The following TTC17 variants were observed in gnomAD, a reference collection of about 807,000 sequenced individuals.
The protein encoded by TTC17 is tetratricopeptide repeat protein 17.
In TTC17, 58 loss-of-function variants were observed where a neutral mutation model predicts 143.8. The ratio of observed to expected loss-of-function variants is 0.40; its 90% CI spans 0.33 to 0.50. TTC17 has a LOEUF of 0.50. TTC17 is among the 20% of genes least tolerant of loss of function. The pLI, the probability that TTC17 is intolerant of heterozygous loss-of-function variation, is 0.49. For missense variants in TTC17, 1,273 were observed against 1,392.5 expected (o/e 0.91, Z 1.37); for synonymous variants, 501 against 497.8 (o/e 1.01, Z -0.09).
chr11:43,384,110 A>C (rs1014341286), intron 2 of TTC17, among the ~76,000 whole-genome samples: 1 of 150,870 alleles, frequency 6.6e-6, no homozygotes, highest in African/African-American at 2.4e-5. Context: ...GTACCACCGC[A>C]CTCCAGCATG....
chr11:43,442,571 T>G (rs1322277004), intron 16 of TTC17, among the ~76,000 whole-genome samples: 6 of 152,188 alleles, frequency 3.9e-5, no homozygotes, highest in Non-Finnish European at 5.9e-5. Flanking sequence ...ATTAAGAAAC[T>G]CGGGCTAATT....
intron 21 of TTC17, among the ~76,000 whole-genome samples, chr11:43,458,291 C>G (rs986131812): frequency 2.0e-5 from 3 of 152,106 alleles, no homozygotes; most frequent in Non-Finnish European, 4.4e-5. Context: ...TACATGGTCT[C>G]TTAAGTACCA....
At chr11:43,398,357 T>G (rs2134558107) in intron 8 of TTC17, among the ~76,000 whole-genome samples, 1 of 152,354 alleles carries the variant, frequency 6.6e-6, no homozygotes, top group Admixed American at 6.5e-5. Context: ...AGCTGTCACT[T>G]AAATGTTTAC....
At chr11:43,397,537 C>CTTT (rs376723044) in intron 7 of TTC17, 46 bp downstream of exon 7, 1,173 of 1,214,126 alleles carry the variant, frequency 9.7e-4, no homozygotes, top group Admixed American at 1.5e-3. Flanking sequence ...TTGCCACTTT[C>CTTT]TTTTTTTTTT....
Position 43,365,545 on chromosome 11 carries a change from G to A in TTC17, c.159+6432G>A, listed in dbSNP as rs1030200407. On this transcript the variant is annotated intron_variant, in intron 1 of 23. Coordinates refer to ENST00000039989, the MANE Select transcript of TTC17 (RefSeq NM_018259.6). The stretch of plus-strand genomic sequence containing the variant: ...GGCCTCCCAAAGTGCTGGGATTACA[G>A]GCATGAGCCGCCATGCCTGGCCAGC... 2.6e-5 allele frequency among the ~76,000 whole-genome samples: 4 copies of A among 152,296 alleles called. No individual in the cohort carries two copies. The South Asian group carries it at 6.2e-4, about 24-fold the overall frequency.
In TTC17 at chr11:43,411,093, A is replaced by G. The variant is rs547754757; in HGVS notation, c.2065-3497A>G. 6.0e-4 allele frequency among the ~76,000 whole-genome samples: 92 copies of G among 152,308 alleles called. 1 individual carries two copies. Among genetic ancestry groups the G allele is most frequent in the Middle Eastern group, 3.4e-3 (1 of 294 alleles). Reference sequence around the variant, plus strand: ...TCAAATGTTGTTATTTGTTGGCTCAAAATCCCTGTAGTGGCTCTCCATAGA... The same window carrying G: ...TCAAATGTTGTTATTTGTTGGCTCAGAATCCCTGTAGTGGCTCTCCATAGA... On this transcript the variant is annotated intron_variant, in intron 15 of 23. Coordinates refer to ENST00000039989, the MANE Select transcript of TTC17 (RefSeq NM_018259.6).
chr11:43,426,695 A>G (rs949076743), intron 16 of TTC17, among the ~76,000 whole-genome samples: 1 of 152,160 alleles, frequency 6.6e-6, no homozygotes, highest in African/African-American at 2.4e-5. Context: ...ATGAGGTATT[A>G]CTAGACTCAA....
At chr11:43,394,907 A>G (rs1857521839) in intron 5 of TTC17, among the ~76,000 whole-genome samples, 1 of 152,168 alleles carries the variant, frequency 6.6e-6, no homozygotes, top group Non-Finnish European at 1.5e-5. Context: ...TGGTGTCCTA[A>G]GAGTCAATGG....
intron 21 of TTC17, among the ~76,000 whole-genome samples, chr11:43,485,914 A>G (rs1948372521): frequency 7.3e-6 from 1 of 137,128 alleles, no homozygotes; most frequent in Non-Finnish European, 1.5e-5. Context: ...GAACATATGC[A>G]TATCCCGTGG....
rs2134521291 is a variant in TTC17 at position 43,389,727 on chromosome 11, A to G, written c.325A>G (p.Lys109Glu). 1 of 1,614,110 alleles carries G rather than the reference A, an allele frequency of 6.2e-7. No individual in the cohort carries two copies. The highest frequency in any genetic ancestry group is 2.2e-5 in the East Asian group (1 of 44,876). The change falls in exon 3 of 24, where the codon AAA becomes GAA. Residue 109 changes from lysine to glutamate, a missense_variant. Coordinates refer to ENST00000039989, the MANE Select transcript of TTC17 (RefSeq NM_018259.6). ...RDTGLEQRHNKEDPDCIKAKV... is the reference protein window; with the variant it reads ...RDTGLEQRHNEEDPDCIKAKV... Reference sequence around the variant, plus strand: ...CACAGGACTGGAACAGAGACATAATAAAGAAGACCCAGACTGCATCAAAGC... The same window carrying G: ...CACAGGACTGGAACAGAGACATAATGAAGAAGACCCAGACTGCATCAAAGC...
Position 43,443,265 on chromosome 11 carries a change from C to T in TTC17, c.2252-60C>T, listed in dbSNP as rs1311454357. The stretch of plus-strand genomic sequence containing the variant: ...TTCTCCAAAAGCAGGGTTGGAGTCA[C>T]CCAAGGTCTTGAATGAGTACTGTGT... On this transcript the variant is annotated intron_variant, in intron 16 of 23. Transcript: ENST00000039989. 5 of 1,578,322 alleles carry T rather than the reference C, an allele frequency of 3.2e-6. No individual in the cohort carries two copies. In the East Asian group the frequency reaches 6.7e-5, roughly 21 times the overall value.
intron 15 of TTC17, among the ~76,000 whole-genome samples, chr11:43,410,895 T>C (rs752924715): frequency 6.6e-6 from 1 of 152,200 alleles, no homozygotes; most frequent in Non-Finnish European, 1.5e-5. Flanking sequence ...GTTGATTCTG[T>C]TTTCAAAATA....
chr11:43,394,350 G>C (rs1315207300), intron 5 of TTC17, among the ~76,000 whole-genome samples: 1 of 152,214 alleles, frequency 6.6e-6, no homozygotes, highest in Non-Finnish European at 1.5e-5. Flanking sequence ...GCAATTAATA[G>C]TTGAAAAGAT....
chr11:43,396,682 T>C, intron 5 of TTC17, 27 bp from the exon 6 acceptor site: 1 of 1,408,442 alleles, frequency 7.1e-7, no homozygotes, highest in Non-Finnish European at 9.8e-7. Flanking sequence ...TGAGTCGTGT[T>C]TGTAATTTTA....
chr11:43,379,205 G>A, intron 1 of TTC17, 28 bp from the exon 2 acceptor site: 1 of 1,596,610 alleles, frequency 6.3e-7, no homozygotes, highest in Non-Finnish European at 8.6e-7. Context: ...TGAAATCCGA[G>A]CTTTATTTAT....
At chr11:43,380,028 A>G (rs1465114142) in intron 2 of TTC17, among the ~76,000 whole-genome samples, 1 of 152,214 alleles carries the variant, frequency 6.6e-6, no homozygotes, top group African/African-American at 2.4e-5. Context: ...ACATTAAATC[A>G]AATTGCAAAA....
intron 1 of TTC17, among the ~76,000 whole-genome samples, chr11:43,377,253 A>G (rs200863868): frequency 6.6e-6 from 1 of 152,130 alleles, no homozygotes; most frequent in African/African-American, 2.4e-5. Context: ...AGATCACACC[A>G]CTGCACTCCA....
chr11:43,443,289 G>A lies in TTC17; in HGVS notation c.2252-36G>A, dbSNP rs377180885. 295 of 1,607,992 alleles carry A rather than the reference G, an allele frequency of 1.8e-4. No individual in the cohort carries two copies. The African/African-American group carries it at 3.6e-3, about 19-fold the overall frequency. ...ACCCAAGGTCTTGAATGAGTACTGT[G>A]TACCTTTTACTAACGTGCTGGCCCT... On this transcript the variant is annotated intron_variant, in intron 16 of 23. Transcript: ENST00000039989.
chr11:43,396,155 C>G (rs1480940728), intron 5 of TTC17: 4 of 150,778 alleles, frequency 2.7e-5, no homozygotes, highest in African/African-American at 9.7e-5. Flanking sequence ...AAACTTGTAT[C>G]TTTTAAGTTT....
Sources: gnomAD v4.1 joint callset for allele counts (sites outside exome capture counted in the v4.1 genomes callset) on GRCh38, gnomAD v4.1.1 for gene constraint, MANE v1.5 for transcripts, NCBI Gene and HGNC (gene_info 2026-07-23, HGNC 2026-07-21) for gene names.